Variants in YME1L1 observed in about 807,000 individuals in gnomAD.
YME1L1 encodes the protein YME1 like 1 ATPase.
A neutral mutation model predicts 90.4 loss-of-function variants in YME1L1; 39 were observed. That is an observed-to-expected ratio of 0.43 (90% CI 0.33 to 0.56). The LOEUF (loss-of-function observed/expected upper bound fraction) is 0.56. Ranked by LOEUF, YME1L1 falls within the 20% of genes least tolerant of loss-of-function variation. The pLI is 0.03. For missense variants in YME1L1, 617 were observed against 868.4 expected (o/e 0.71, Z 3.64); for synonymous variants, 284 against 287.3 (o/e 0.99, Z 0.12).
At chr10:27,144,663 G>A (rs2057123482) in intron 3 of YME1L1, among the ~76,000 whole-genome samples, 1 of 152,066 alleles carries the variant, frequency 6.6e-6, no homozygotes, top group Non-Finnish European at 1.5e-5. Flanking sequence ...GATTAAGTAT[G>A]TTTCCTGGAA....
rs531143870 is a variant in YME1L1, at chr10:27,114,441, T to C, written c.2007+80A>G. 38 of 1,101,310 alleles carry C rather than the reference T, an allele frequency of 3.5e-5. No homozygotes were observed. The African/African-American group carries it at 5.9e-4, about 17-fold the overall frequency. The allele number at this position is 1,101,310 out of a possible 1,614,324, so 68.2% of individuals were successfully genotyped here. A position where few individuals can be genotyped will look rare whatever the true frequency, so the allele number is the denominator to read the frequency against. ...GATGTTTCTAGTGAACAGAGGGCCT[T>C]CAGCTGTTATTTTTTAAGAACCTGA... is the stretch of plus-strand genomic sequence containing the variant. On this transcript the variant is annotated intron_variant, in intron 18 of 18. Coordinates refer to ENST00000376016, the MANE Select transcript of YME1L1 (RefSeq NM_014263.4).
rs751423788 is a variant in YME1L1 at position 27,147,411 on chromosome 10, T to C, written c.168+1495A>G. 14 of 1,606,444 alleles carry C rather than the reference T, an allele frequency of 8.7e-6. No individual in the cohort carries two copies. The East Asian group carries it at 2.7e-4, about 31-fold the overall frequency. On this transcript the variant is annotated intron_variant, in intron 2 of 18. Transcript: ENST00000376016. The stretch of plus-strand genomic sequence containing the variant: ...GAAGGCTGATGGAACAAGTGAAAGA[T>C]GGCAAGAACCTGAACTAAGCCGTGA...
At chr10:27,120,810 C>T (rs2056859575) in intron 12 of YME1L1, among the ~76,000 whole-genome samples, 1 of 152,206 alleles carries the variant, frequency 6.6e-6, no homozygotes. Context: ...GCAGGTAATT[C>T]AGTCCAGGAA....
intron 18 of YME1L1, among the ~76,000 whole-genome samples, chr10:27,113,954 A>G (rs7075878): frequency 0.1 from 15,134 of 151,700 alleles, 2,435 homozygotes; most frequent in African/African-American, 0.34. Context: ...ACTCCATAAA[A>G]AAAAAAAAAA....
intron 6 of YME1L1, among the ~76,000 whole-genome samples, chr10:27,134,597 TAAAG>T (rs2057007789): frequency 6.6e-6 from 1 of 152,160 alleles, no homozygotes. Flanking sequence ...AAACAAAAAA[TAAAG>T]AAACAAAAAC....
rs1461989834 is a variant in YME1L1, at chr10:27,145,277, T to C, written c.331+151A>G. Reference sequence around the variant, plus strand: ...TCCTGTAAATCTGGTACTATTTCAATATGAAAAATTGCAAAAAAAAAAACA... The same window carrying C: ...TCCTGTAAATCTGGTACTATTTCAACATGAAAAATTGCAAAAAAAAAAACA... On this transcript the variant is annotated intron_variant, in intron 3 of 18. Coordinates refer to ENST00000376016, the MANE Select transcript of YME1L1 (RefSeq NM_014263.4). 4 of 588,292 alleles carry C rather than the reference T, an allele frequency of 6.8e-6. No homozygotes were observed. The African/African-American group carries it at 8.3e-5, about 12-fold the overall frequency. The allele number at this position is 588,292 out of a possible 1,614,324, so 36.4% of individuals were successfully genotyped here. A position where few individuals can be genotyped will look rare whatever the true frequency, so the allele number is the denominator to read the frequency against.
chr10:27,135,069 A>C, intron 5 of YME1L1, 88 bp from the exon 6 acceptor site: 1 of 1,295,770 alleles, frequency 7.7e-7, no homozygotes, highest in Non-Finnish European at 1.1e-6. Flanking sequence ...AATTCACTAA[A>C]ATTCTGTATA....
At chr10:27,140,002 A>G (rs788236) in intron 4 of YME1L1, among the ~76,000 whole-genome samples, 151,621 of 152,300 alleles carry the variant, frequency 1, 75,475 homozygotes, top group Middle Eastern at 1. Flanking sequence ...CTATCTTTAT[A>G]TCTTAAATTT....
intron 4 of YME1L1, among the ~76,000 whole-genome samples, chr10:27,138,741 T>G (rs1315635147): frequency 1.3e-5 from 2 of 152,144 alleles, no homozygotes; most frequent in Non-Finnish European, 2.9e-5. Context: ...CTGCAAATTA[T>G]AATTTTACTC....
chr10:27,153,924 T>C (rs1049108078), intron 1 of YME1L1, among the ~76,000 whole-genome samples: 23 of 150,946 alleles, frequency 1.5e-4, no homozygotes, highest in African/African-American at 4.6e-4. Context: ...ACGCAATCAG[T>C]TCGATAAGCC....
chr10:27,140,547 C>T (rs559381435), intron 4 of YME1L1, among the ~76,000 whole-genome samples: 58 of 151,982 alleles, frequency 3.8e-4, no homozygotes, highest in Non-Finnish European at 6.3e-4. Flanking sequence ...GGCGCGGTCT[C>T]GGCTCACTGC....
intron 9 of YME1L1, 67 bp downstream of exon 9, chr10:27,126,629 G>A: frequency 1.3e-5 from 11 of 842,592 alleles, no homozygotes; most frequent in Non-Finnish European, 2.0e-5. Context: ...AGTAATATAG[G>A]TTTTTTTTGT....
chr10:27,135,107 A>T (rs2057014433), intron 5 of YME1L1, 126 bp from the exon 6 acceptor site: 2 of 838,344 alleles, frequency 2.4e-6, no homozygotes, highest in Non-Finnish European at 3.6e-6. Context: ...GAAGAAACAG[A>T]TTAAGACTCA....
chr10:27,117,857 C>A, intron 14 of YME1L1, 130 bp from the exon 15 acceptor site: 11 of 856,818 alleles, frequency 1.3e-5, no homozygotes, highest in Admixed American at 2.8e-5. Context: ...TAGATTCAAC[C>A]AAATAAGGAT....
chr10:27,112,454 A>C (rs1308791978), intron 18 of YME1L1, among the ~76,000 whole-genome samples: 1 of 152,116 alleles, frequency 6.6e-6, no homozygotes. Flanking sequence ...CCTGTGGAGA[A>C]TGCATTCCCT....
At position 27,112,099 on chromosome 10, in the gene YME1L1, G is replaced by T. The variant is rs2056764472; in HGVS notation, c.2029C>A (p.His677Asn). 1 of 1,613,538 alleles carries T rather than the reference G, an allele frequency of 6.2e-7. No individual in the cohort carries two copies. The highest frequency in any genetic ancestry group is 1.3e-5 in the African/African-American group (1 of 74,882). Residue 677 changes from histidine to asparagine, a missense_variant, in exon 19 of 19, where the codon CAT becomes AAT. Physicochemically the swap from His to Asn is moderately conservative, Grantham distance 68. Transcript: ENST00000376016. ...LLRDSYERAK[H>N]ILKTHAKEHK... ...TCCTTTGCATGAGTTTTCAAGATAT[G>T]TTTTGCTCGTTCATATGAGTCCTGA... is the stretch of plus-strand genomic sequence containing the variant.
intron 5 of YME1L1, among the ~76,000 whole-genome samples, chr10:27,135,956 GTTA>G (rs2057022732): frequency 6.6e-6 from 1 of 152,182 alleles, no homozygotes; most frequent in Non-Finnish European, 1.5e-5. Flanking sequence ...GACTTTAGTG[GTTA>G]ATGGATGTGG....
intron 3 of YME1L1, among the ~76,000 whole-genome samples, chr10:27,142,779 G>A (rs758924614): frequency 3.3e-5 from 5 of 152,032 alleles, no homozygotes; most frequent in Non-Finnish European, 5.9e-5. Context: ...GCAGTGGCAC[G>A]ACCTCGGCTC....
At position 27,111,640 on chromosome 10, in the gene YME1L1, A is replaced by C; in HGVS notation, c.*337T>G. On this transcript the variant is annotated 3_prime_UTR_variant, in exon 19 of 19. Coordinates refer to ENST00000376016, the MANE Select transcript of YME1L1 (RefSeq NM_014263.4). ...TCCACTGATGTATATAGAAGGCTAAAGGCACAATTTTTATCAAATCTAGTA... is the reference window on the plus strand; with the variant it reads ...TCCACTGATGTATATAGAAGGCTAACGGCACAATTTTTATCAAATCTAGTA... The C allele has an allele frequency of 2.7e-6, 1 of 371,408 alleles. No individual in the cohort carries two copies. Among genetic ancestry groups the C allele is most frequent in the Non-Finnish European group, 5.1e-6 (1 of 194,594 alleles). 23.0% of individuals were successfully genotyped at this position (371,408 alleles called of 1,614,324 possible). A position where few individuals can be genotyped will look rare whatever the true frequency, so the allele number is the denominator to read the frequency against.
Sources: gnomAD v4.1 joint callset for allele counts (sites outside exome capture counted in the v4.1 genomes callset) on GRCh38, gnomAD v4.1.1 for gene constraint, MANE v1.5 for transcripts, NCBI Gene and HGNC (gene_info 2026-07-23, HGNC 2026-07-21) for gene names.